PLCH2: variants seen among roughly 807,000 people sequenced by gnomAD.
PLCH2 encodes 1-phosphatidylinositol 4,5-bisphosphate phosphodiesterase eta-2.
In PLCH2, 98 loss-of-function variants were observed where a neutral mutation model predicts 134.7. The ratio of observed to expected loss-of-function variants is 0.73; its 90% CI spans 0.62 to 0.86. PLCH2 has a LOEUF of 0.86. Ranked by LOEUF, PLCH2 falls within the 40% of genes least tolerant of loss-of-function variation. The pLI is 0.00. For synonymous variants in PLCH2, 974 were observed against 827.5 expected, an observed-to-expected ratio of 1.18 and a Z score of -3.04; for missense variants, 1,994 against 1,986.6, an observed-to-expected ratio of 1.00 and a Z score of -0.07.
At position 2,504,374 on chromosome 1, in the gene PLCH2, G is replaced by A; in HGVS notation, c.3412G>A (p.Gly1138Ser). The A allele has an allele frequency of 1.2e-6, 2 of 1,611,832 alleles. No homozygotes were observed. Among genetic ancestry groups the A allele is most frequent in the Non-Finnish European group, 8.5e-7 (1 of 1,179,716 alleles). The part of the protein sequence containing the change: ...DPLWQRLEPC[G>S]HRDSVSSSSS... The stretch of plus-strand genomic sequence containing the variant: ...GCTGTGGCAGCGGCTGGAGCCATGT[G>A]GCCACCGAGACAGCGTTTCCTCCTC... The change falls in exon 22 of 22, where the codon GGC becomes AGC. Residue 1138 changes from glycine (G) to serine (S), a missense_variant. Transcript: ENST00000378486.
chr1:2,483,757 C>CCCCGTGTGGGGGGGCGCTGACT (rs138594264), intron 4 of PLCH2, among the ~76,000 whole-genome samples: 1 of 96,034 alleles, frequency 1.0e-5, no homozygotes, highest in Non-Finnish European at 2.3e-5. Flanking sequence ...TGTTGTTGAC[C>CCCCGTGTGGGGGGGCGCTGACT]CCCGTTTGGG....
chr1:2,433,114 T>G (rs1437770158), intron 2 of PLCH2, among the ~76,000 whole-genome samples: 2 of 152,190 alleles, frequency 1.3e-5, no homozygotes, highest in Non-Finnish European at 2.9e-5. Context: ...GGAGCCTTCT[T>G]CAGGCTGCCC....
intron 1 of PLCH2, among the ~76,000 whole-genome samples, chr1:2,427,316 G>C (rs58195653): frequency 0.3 from 46,093 of 152,016 alleles, 7,029 homozygotes; most frequent in South Asian, 0.37. Context: ...TCTCGTGGGG[G>C]CCCGGGGCCG....
chr1:2,502,327 G>A lies in PLCH2; in HGVS notation c.2877G>A (p.Val959=), dbSNP rs1371570087. ...LGTRDTGSKG[V]ADDVVPPGPG... is the part of the protein sequence containing the mutation. ...CACGGGACACAGGCTCCAAGGGGGT[G>A]GCAGACGATGTGGTGCCCCCCGGGC... Residue 959 remains valine (V), a synonymous_variant, in exon 21 of 22, where the codon GTG becomes GTA. Transcript: ENST00000378486. The A allele has an allele frequency of 5.9e-6, 9 of 1,535,590 alleles. No individual in the cohort carries two copies. Among genetic ancestry groups the A allele is most frequent in the Non-Finnish European group, 7.9e-6 (9 of 1,141,732 alleles).
chr1:2,497,690 C>A (rs927321023), intron 16 of PLCH2, 81 bp downstream of exon 16: 23 of 992,862 alleles, frequency 2.3e-5, no homozygotes, highest in Non-Finnish European at 4.6e-6. Flanking sequence ...GAGATCGGAG[C>A]CCCACAGGCT....
At chr1:2,432,404 T>C (rs1639111532) in intron 2 of PLCH2, among the ~76,000 whole-genome samples, 1 of 152,198 alleles carries the variant, frequency 6.6e-6, no homozygotes, top group Non-Finnish European at 1.5e-5. Context: ...CCTGCCCTGC[T>C]GGCCCCTCAT....
At chr1:2,419,265 G>C in the PLCH2 span, among the ~76,000 whole-genome samples, 1 of 152,202 alleles carries the variant, frequency 6.6e-6, no homozygotes, top group Admixed American at 6.5e-5. Context: ...CTGTGCTGCT[G>C]TCTGTCTATC....
At position 2,502,505 on chromosome 1, in the gene PLCH2, T is replaced by A. The variant is rs766945247; in HGVS notation, c.2959+96T>A. 9.0e-6 allele frequency: 11 copies of A among 1,220,450 alleles called. No homozygotes were observed. The South Asian group carries it at 1.4e-4, about 16-fold the overall frequency. 75.6% of individuals were successfully genotyped at this position (1,220,450 alleles called of 1,614,324 possible). A position where few individuals can be genotyped will look rare whatever the true frequency, so the allele number is the denominator to read the frequency against. On this transcript the variant is annotated intron_variant, in intron 21 of 21. Coordinates refer to ENST00000378486, the MANE Select transcript of PLCH2 (RefSeq NM_014638.4). ...CGGGCCTGCTGGGATGGCCGCCACA[T>A]GCATGAAGTGTGTGGTGGGATCCTG...
chr1:2,470,930 T>G (rs1641294518), intron 1 of PLCH2, among the ~76,000 whole-genome samples: 1 of 151,784 alleles, frequency 6.6e-6, no homozygotes, highest in Non-Finnish European at 1.5e-5. Context: ...CCAGGCCAGG[T>G]GGGTGCGATG....
At chr1:2,423,082 T>A (rs558293875), upstream of PLCH2, among the ~76,000 whole-genome samples, 5 of 152,320 alleles carry the variant, frequency 3.3e-5, no homozygotes, top group East Asian at 9.6e-4. Context: ...AAAATGCTGA[T>A]TTTTACCTAA....
intron 1 of PLCH2, among the ~76,000 whole-genome samples, chr1:2,429,534 C>T (rs923313414): frequency 7.9e-5 from 12 of 152,080 alleles, no homozygotes; most frequent in African/African-American, 2.2e-4. Flanking sequence ...GCTGGTGGGA[C>T]GGAACCCCTG....
exon 1 of PLCH2, chr1:2,467,572 C>G (rs1449215539): frequency 2.5e-6 from 1 of 402,992 alleles, no homozygotes; most frequent in African/African-American, 2.1e-5. Flanking sequence ...GCACAGGGCC[C>G]GGTGTCCCTC....
intron 2 of PLCH2, among the ~76,000 whole-genome samples, chr1:2,452,808 C>T (rs901567784): frequency 2.0e-5 from 3 of 152,194 alleles, no homozygotes; most frequent in East Asian, 1.9e-4. Flanking sequence ...AGCTGACCGC[C>T]GCTGGGCCTG....
chr1:2,497,767 A>T (rs2100723699), intron 16 of PLCH2, 158 bp downstream of exon 16: 458 of 407,722 alleles, frequency 1.1e-3, no homozygotes, highest in Middle Eastern at 1.5e-3. Flanking sequence ...AGCTCCCAGG[A>T]TGCTGGGGAG....
intron 2 of PLCH2, among the ~76,000 whole-genome samples, chr1:2,451,247 G>T (rs770352765): frequency 5.9e-5 from 9 of 152,202 alleles, no homozygotes; most frequent in Non-Finnish European, 1.0e-4. Context: ...CAAGGCAGGC[G>T]GTGGTGGGCT....
chr1:2,460,835 A>C (rs537236139), intron 2 of PLCH2, among the ~76,000 whole-genome samples: 1 of 152,304 alleles, frequency 6.6e-6, no homozygotes, highest in African/African-American at 2.4e-5. Context: ...CAGGTCTCAC[A>C]GCTTCTCTGA....
rs1031442687 is a variant in PLCH2, at chr1:2,439,394, G to C, written c.115+8765G>C. Among the ~76,000 whole-genome samples, 14 of 151,684 alleles carry C rather than the reference G, an allele frequency of 9.2e-5. No homozygotes were observed. Among genetic ancestry groups the C allele is most frequent in the Non-Finnish European group, 1.6e-4 (11 of 67,954 alleles). ...GACCCCAGGGCTGCCCCCGGGTTCT[G>C]GGCCCTGTTCATGGGAAGCCAAGCC... On this transcript the variant is annotated intron_variant, in intron 2 of 3. Coordinates refer to the PLCH2 transcript ENST00000609981. This position sits in a 1 kb window ranked among gnomAD's most constrained non-coding sequence, Gnocchi z 4.7.
At chr1:2,501,209 C>T (rs1643206877) in intron 20 of PLCH2, 1 of 152,098 alleles carries the variant, frequency 6.6e-6, no homozygotes, top group Admixed American at 6.5e-5. Flanking sequence ...GACCCACCTG[C>T]CGGGCCTGGG....
rs1178645848 is a variant in PLCH2, at chr1:2,448,785, C to T, written c.115+18156C>T. Among the ~76,000 whole-genome samples the T allele has an allele frequency of 6.6e-6, 1 of 152,064 alleles. No individual in the cohort carries two copies. On this transcript the variant is annotated intron_variant, in intron 2 of 3. Transcript: ENST00000609981. This position sits in a 1 kb window ranked among gnomAD's most constrained non-coding sequence, Gnocchi z 4.0. ...CATCCAGTCTCTCCCTGGGTGGGGTCCTGGCTCCACAGGTGACCAAGAGGG... is the reference window on the plus strand; with the variant it reads ...CATCCAGTCTCTCCCTGGGTGGGGTTCTGGCTCCACAGGTGACCAAGAGGG...
Sources: allele counts gnomAD v4.1 joint callset (sites outside exome capture counted in the v4.1 genomes callset), GRCh38; gene constraint gnomAD v4.1.1; non-coding constraint Gnocchi (gnomAD v3.1); transcripts MANE v1.5; gene names NCBI Gene and HGNC (gene_info 2026-07-23, HGNC 2026-07-21).